The following OPCML variants were observed in gnomAD, a reference collection of about 807,000 sequenced individuals.
OPCML encodes the protein opioid-binding protein/cell adhesion molecule.
OPCML carries 13 observed loss-of-function variants against 37.8 expected under a neutral mutation model. The ratio of observed to expected loss-of-function variants is 0.34; its 90% CI spans 0.22 to 0.55. The LOEUF is 0.55. OPCML is among the 20% of genes least tolerant of loss of function. The pLI is 0.91. For synonymous variants in OPCML, 176 were observed against 168.8 expected (o/e 1.04, Z -0.33); for missense variants, 341 against 435.6 (o/e 0.78, Z 1.93).
In OPCML at chr11:133,305,641, T is replaced by G. The variant is rs1592185172; in HGVS notation, c.61+226623A>C. Reference sequence around the variant, plus strand: ...TATTTCCTGATGTATAGATTTACATTAGGGTTCCCCTCCACCCCATTTATG... The same window carrying G: ...TATTTCCTGATGTATAGATTTACATGAGGGTTCCCCTCCACCCCATTTATG... On this transcript the variant is annotated intron_variant, in intron 1 of 7. Coordinates refer to ENST00000524381, the MANE Select transcript of OPCML (RefSeq NM_001012393.5). 2.0e-5 allele frequency among the ~76,000 whole-genome samples: 3 copies of G among 152,348 alleles called. No individual in the cohort carries two copies. In the South Asian group the frequency reaches 6.2e-4, roughly 32 times the overall value.
intron 1 of OPCML, among the ~76,000 whole-genome samples, chr11:133,305,888 G>T (rs1476052538): frequency 6.6e-6 from 1 of 152,116 alleles, no homozygotes. Context: ...AAATAAATAT[G>T]GGGTCAAACG....
chr11:133,227,309 G>C (rs1044773739), intron 1 of OPCML, among the ~76,000 whole-genome samples: 1 of 152,200 alleles, frequency 6.6e-6, no homozygotes, highest in Admixed American at 6.5e-5. Context: ...TAAATCAGCT[G>C]TCAGCTGTAC....
chr11:132,911,219 C>T (rs747605555), intron 2 of OPCML, among the ~76,000 whole-genome samples: 3 of 152,182 alleles, frequency 2.0e-5, no homozygotes, highest in Non-Finnish European at 4.4e-5. Flanking sequence ...GTCAACTTTG[C>T]GAAGAATTTC....
intron 4 of OPCML, among the ~76,000 whole-genome samples, chr11:132,505,345 T>A (rs958077558): frequency 2.6e-5 from 4 of 152,190 alleles, no homozygotes; most frequent in Admixed American, 2.0e-4. Flanking sequence ...ACTCAATTCA[T>A]GTGATCGAGC....
chr11:132,679,337 A>C (rs1942840190), intron 2 of OPCML, among the ~76,000 whole-genome samples: 1 of 152,214 alleles, frequency 6.6e-6, no homozygotes, highest in Non-Finnish European at 1.5e-5. Flanking sequence ...AAAAGGAAAA[A>C]TAGCCCAAAT....
At chr11:133,248,077 G>A (rs1382137045) in intron 1 of OPCML, among the ~76,000 whole-genome samples, 1 of 152,166 alleles carries the variant, frequency 6.6e-6, no homozygotes, top group East Asian at 1.9e-4. Flanking sequence ...CTTGAAGGGT[G>A]CCAAGAAAAT....
At chr11:133,475,291 C>T (rs1947216844) in intron 1 of OPCML, among the ~76,000 whole-genome samples, 1 of 151,796 alleles carries the variant, frequency 6.6e-6, no homozygotes, top group African/African-American at 2.4e-5. Flanking sequence ...TATTTCAAGC[C>T]ACATAGGATG....
chr11:133,140,531 T>TAAGAAGAAGAAGAAGAAGAAGAAG lies in OPCML; in HGVS notation c.62-197545_62-197522dup, dbSNP rs1168417109. Among the ~76,000 whole-genome samples, 331 of 88,068 alleles carry TAAGAAGAAGAAGAAGAAGAAGAAG rather than the reference T, an allele frequency of 3.8e-3. 3 individuals carry two copies. The highest frequency in any genetic ancestry group is 5.9e-3 in the East Asian group (16 of 2,692). 57.8% of individuals were successfully genotyped at this position (88,068 alleles called of 152,430 possible). ...TGTCTCAAAATAATAATAATAATAATAAGAAGAAGAAGAAGAAGAAGAAGA... is the reference window on the plus strand; with the variant it reads ...TGTCTCAAAATAATAATAATAATAATAAGAAGAAGAAGAAGAAGAAGAAGAAGAAGAAGAAGAAGAAGAAGAAGA... On this transcript the variant is annotated intron_variant, in intron 1 of 7. Coordinates refer to ENST00000524381, the MANE Select transcript of OPCML (RefSeq NM_001012393.5).
intron 1 of OPCML, among the ~76,000 whole-genome samples, chr11:133,248,018 T>C (rs1243067804): frequency 6.6e-6 from 1 of 152,132 alleles, no homozygotes; most frequent in African/African-American, 2.4e-5. Context: ...TTTATTTTAA[T>C]GGAAGAAATA....
At chr11:132,453,467 TCC>T (rs1416576175) in intron 4 of OPCML, among the ~76,000 whole-genome samples, 1 of 152,062 alleles carries the variant, frequency 6.6e-6, no homozygotes, top group Non-Finnish European at 1.5e-5. Flanking sequence ...CGGGTGTAAT[TCC>T]TAACACATGA....
At chr11:132,783,782 G>C (rs1001567680) in intron 2 of OPCML, among the ~76,000 whole-genome samples, 2 of 152,052 alleles carry the variant, frequency 1.3e-5, no homozygotes, top group African/African-American at 4.8e-5. Flanking sequence ...GTGAGACAAA[G>C]TACAACCTTA....
At chr11:133,468,204 C>T (rs1947020344) in intron 1 of OPCML, among the ~76,000 whole-genome samples, 1 of 152,214 alleles carries the variant, frequency 6.6e-6, no homozygotes. Context: ...AGGATGCTTG[C>T]TGCCACCTCT....
At chr11:133,204,860 ATATATGTG>A (rs1376481907) in intron 1 of OPCML, among the ~76,000 whole-genome samples, 1 of 36,638 alleles carries the variant, frequency 2.7e-5, no homozygotes, top group African/African-American at 1.6e-4. Context: ...TTATATATAT[ATATATGTG>A]TATATATATA....
intron 1 of OPCML, among the ~76,000 whole-genome samples, chr11:133,325,275 T>C (rs60967963): frequency 0.33 from 50,238 of 152,152 alleles, 10,017 homozygotes; most frequent in East Asian, 0.66. Flanking sequence ...CAAAGCATTC[T>C]TTTTTGGCCT....
rs1592173354 is a variant in OPCML, at chr11:133,292,470, A to C, written c.61+239794T>G. 2.0e-5 allele frequency among the ~76,000 whole-genome samples: 3 copies of C among 152,188 alleles called. No individual in the cohort carries two copies. In the East Asian group the frequency reaches 5.8e-4, roughly 29 times the overall value. ...TTCAATATTATTTTGTTGTTTTCCCAATAAATAAAGATATACAGTTTGATA... is the reference window on the plus strand; with the variant it reads ...TTCAATATTATTTTGTTGTTTTCCCCATAAATAAAGATATACAGTTTGATA... On this transcript the variant is annotated intron_variant, in intron 1 of 7. Coordinates refer to ENST00000524381, the MANE Select transcript of OPCML (RefSeq NM_001012393.5).
chr11:132,794,770 T>C (rs1179373940), intron 2 of OPCML, among the ~76,000 whole-genome samples: 6 of 151,978 alleles, frequency 3.9e-5, no homozygotes, highest in Non-Finnish European at 5.9e-5. Context: ...ACTAGAAACA[T>C]AATAAATGCC....
intron 1 of OPCML, among the ~76,000 whole-genome samples, chr11:133,242,401 G>T (rs538605154): frequency 2.0e-5 from 3 of 152,166 alleles, no homozygotes; most frequent in Non-Finnish European, 2.9e-5. Context: ...CACCTCAGAC[G>T]GTGTGGCTTA....
At chr11:133,081,817 G>A (rs1190980951) in intron 1 of OPCML, among the ~76,000 whole-genome samples, 4 of 152,096 alleles carry the variant, frequency 2.6e-5, no homozygotes, top group Non-Finnish European at 5.9e-5. Context: ...AATGGCAGGT[G>A]AAGCGCTGGC....
intron 1 of OPCML, among the ~76,000 whole-genome samples, chr11:133,524,632 G>A (rs1207535094): frequency 8.5e-5 from 13 of 152,244 alleles, no homozygotes; most frequent in East Asian, 5.8e-4. Context: ...ACTCTCAGGC[G>A]TGTCTGTCGC....
Sources: gnomAD v4.1 joint callset for allele counts (sites outside exome capture counted in the v4.1 genomes callset) on GRCh38, gnomAD v4.1.1 for gene constraint, MANE v1.5 for transcripts, NCBI Gene and HGNC (gene_info 2026-07-23, HGNC 2026-07-21) for gene names.